The following PLD5 variants were observed in gnomAD, a reference collection of about 807,000 sequenced individuals.
The protein encoded by PLD5 is phospholipase D family member 5.
In PLD5, 36 loss-of-function variants were observed where a neutral mutation model predicts 61.1. The ratio of observed to expected loss-of-function variants is 0.59; its 90% CI spans 0.45 to 0.78. PLD5 has a LOEUF of 0.78. PLD5 is among the 30% of genes least tolerant of loss of function. The pLI, the probability that PLD5 is intolerant of heterozygous loss-of-function variation, is 0.00. For missense variants in PLD5, 515 were observed against 644.4 expected, an observed-to-expected ratio of 0.80 and a Z score of 2.17; for synonymous variants, 243 against 242.8, an observed-to-expected ratio of 1.00 and a Z score of -0.01.
intron 1 of PLD5, among the ~76,000 whole-genome samples, chr1:242,499,291 G>C (rs1668476339): frequency 6.6e-6 from 1 of 152,188 alleles, no homozygotes; most frequent in Non-Finnish European, 1.5e-5. Context: ...TATGTGGCAA[G>C]TAGGTTCCAT....
At chr1:242,383,145 G>A (rs116045902) in intron 1 of PLD5, among the ~76,000 whole-genome samples, 204 of 151,992 alleles carry the variant, frequency 1.3e-3, no homozygotes, top group African/African-American at 4.7e-3. Flanking sequence ...AGAGTCCCAC[G>A]TTTTTTATCT....
intron 5 of PLD5, among the ~76,000 whole-genome samples, chr1:242,214,455 C>T (rs114153226): frequency 0.012 from 1,890 of 152,276 alleles, 42 homozygotes; most frequent in East Asian, 0.059. Context: ...GCTAGATCAA[C>T]GTACACATCC....
chr1:242,407,662 C>T (rs902445946), intron 1 of PLD5, among the ~76,000 whole-genome samples: 1 of 151,730 alleles, frequency 6.6e-6, no homozygotes, highest in Non-Finnish European at 1.5e-5. Flanking sequence ...TCACTGCAAC[C>T]TCTGCCTATG....
chr1:242,347,660 C>T (rs1348693764), intron 2 of PLD5, among the ~76,000 whole-genome samples: 2 of 152,224 alleles, frequency 1.3e-5, no homozygotes, highest in East Asian at 3.8e-4. Flanking sequence ...TCGAGGAGCC[C>T]TGTGTCTTCT....
At chr1:242,325,533 C>T (rs1352130962) in intron 2 of PLD5, among the ~76,000 whole-genome samples, 1 of 151,994 alleles carries the variant, frequency 6.6e-6, no homozygotes, top group African/African-American at 2.4e-5. Context: ...CAGTCTTGCT[C>T]TGTCGCCAGG....
intron 1 of PLD5, among the ~76,000 whole-genome samples, chr1:242,487,866 A>T (rs1668014510): frequency 1.3e-5 from 2 of 152,174 alleles, no homozygotes; most frequent in Admixed American, 1.3e-4. Flanking sequence ...ATCATTTTGT[A>T]GGTTGTTTTT....
chr1:242,248,169 T>G (rs181404769), intron 4 of PLD5, among the ~76,000 whole-genome samples: 4 of 152,384 alleles, frequency 2.6e-5, no homozygotes, highest in Non-Finnish European at 5.9e-5. Context: ...GAAAGCAAAG[T>G]TCTTTTATCT....
intron 2 of PLD5, among the ~76,000 whole-genome samples, chr1:242,343,944 A>C (rs1659986107): frequency 4.6e-5 from 7 of 152,144 alleles, no homozygotes; most frequent in Admixed American, 4.6e-4. Context: ...GACAATGGCC[A>C]AATCATATAT....
chr1:242,266,424 G>T (rs1411641628), intron 3 of PLD5, among the ~76,000 whole-genome samples: 2 of 152,184 alleles, frequency 1.3e-5, no homozygotes, highest in Middle Eastern at 3.4e-3. Context: ...AGTTTCAAAA[G>T]CATATAATTT....
intron 7 of PLD5, 97 bp downstream of exon 7, chr1:242,113,793 T>A: frequency 1.4e-6 from 2 of 1,414,436 alleles, no homozygotes; most frequent in Non-Finnish European, 1.9e-6. Context: ...GGCAACCTGA[T>A]GGCATCTCCA....
intron 8 of PLD5, among the ~76,000 whole-genome samples, chr1:242,104,834 A>G (rs1660926650): frequency 6.6e-6 from 1 of 152,224 alleles, no homozygotes; most frequent in Admixed American, 6.5e-5. Flanking sequence ...GGTTATGAAT[A>G]TTATATAATC....
intron 2 of PLD5, among the ~76,000 whole-genome samples, chr1:242,342,293 C>T (rs1056957757): frequency 1.4e-4 from 21 of 151,960 alleles, no homozygotes; most frequent in Non-Finnish European, 2.4e-4. Context: ...TCTGTGTGGG[C>T]GGAAGGGAAG....
At chr1:242,514,105 A>G (rs1470790171) in intron 1 of PLD5, among the ~76,000 whole-genome samples, 1 of 152,254 alleles carries the variant, frequency 6.6e-6, no homozygotes, top group Non-Finnish European at 1.5e-5. Flanking sequence ...CAAATAAAGT[A>G]TCTATTCAAA....
intron 1 of PLD5, among the ~76,000 whole-genome samples, chr1:242,381,367 AAAC>A (rs1558512671): frequency 6.6e-6 from 1 of 152,128 alleles, no homozygotes; most frequent in Non-Finnish European, 1.5e-5. Context: ...ACAGGGAGGG[AAAC>A]AACACACACT....
intron 2 of PLD5, among the ~76,000 whole-genome samples, chr1:242,307,906 A>G (rs1288253281): frequency 6.6e-6 from 1 of 152,112 alleles, no homozygotes; most frequent in African/African-American, 2.4e-5. Context: ...CAATCCTTCA[A>G]AAGTGTTCAA....
At chr1:242,372,898 C>T (rs902231523) in intron 1 of PLD5, among the ~76,000 whole-genome samples, 10 of 152,236 alleles carry the variant, frequency 6.6e-5, no homozygotes, top group African/African-American at 2.2e-4. Flanking sequence ...GACTTCATGT[C>T]TAAAACACCA....
At chr1:242,154,077 T>G (rs1665152113) in intron 5 of PLD5, among the ~76,000 whole-genome samples, 1 of 152,182 alleles carries the variant, frequency 6.6e-6, no homozygotes, top group Non-Finnish European at 1.5e-5. Context: ...CCTTGTAAGT[T>G]GTATTCCCAG....
intron 3 of PLD5, among the ~76,000 whole-genome samples, chr1:242,284,181 A>C (rs1329767081): frequency 8.7e-6 from 1 of 114,944 alleles, no homozygotes; most frequent in Non-Finnish European, 1.6e-5. Flanking sequence ...TCTGTCCCCC[A>C]GGCTGGAGTG....
At chr1:242,128,481 ACT>A (rs1192382769) in intron 5 of PLD5, among the ~76,000 whole-genome samples, 1 of 151,950 alleles carries the variant, frequency 6.6e-6, no homozygotes, top group Non-Finnish European at 1.5e-5. Flanking sequence ...CTCCCTGCTG[ACT>A]CTCTCCTGAT....
Sources: gnomAD v4.1 joint callset for allele counts (sites outside exome capture counted in the v4.1 genomes callset) on GRCh38, gnomAD v4.1.1 for gene constraint, MANE v1.5 for transcripts, NCBI Gene and HGNC (gene_info 2026-07-23, HGNC 2026-07-21) for gene names.